The following FARSA variants were observed in gnomAD, a reference collection of about 807,000 sequenced individuals.
FARSA encodes phenylalanyl-tRNA synthetase subunit alpha, also known as phenylalanine--tRNA ligase alpha subunit.
FARSA carries 37 observed loss-of-function variants against 63.2 expected under a neutral mutation model. That is an observed-to-expected ratio of 0.59 (90% confidence interval 0.45 to 0.77). The LOEUF is 0.77. Among genes scored for constraint, FARSA ranks in the 30% least tolerant of loss-of-function variants. The pLI, the probability that FARSA is intolerant of heterozygous loss-of-function variation, is 0.00. For synonymous variants in FARSA, 312 were observed against 285.1 expected, an observed-to-expected ratio of 1.09 and a Z score of -0.95; for missense variants, 618 against 696.6, an observed-to-expected ratio of 0.89 and a Z score of 1.27.
intron 7 of FARSA, among the ~76,000 whole-genome samples, chr19:12,927,159 G>T (rs181101774): frequency 2.6e-5 from 4 of 152,302 alleles, no homozygotes; most frequent in Non-Finnish European, 5.9e-5. Flanking sequence ...GAGCCCGGGA[G>T]TGTTAGGCTG....
At position 12,924,235 on chromosome 19, in the gene FARSA, G is replaced by A. The variant is rs1971298956; in HGVS notation, c.1304C>T (p.Ser435Leu). Reference protein sequence around the residue: ...GLKKWVEVGNSGVFRPEMLLP... With the variant: ...GLKKWVEVGNLGVFRPEMLLP... ...CAGCATCTCTGGACGGAAGACCCCC[G>A]AGTTTCCGACCTCCACCCACTTCTT... The change falls in exon 12 of 13, where the codon TCG becomes TTG. Residue 435 changes from serine (S) to leucine (L), a missense_variant. Coordinates refer to ENST00000314606, the MANE Select transcript of FARSA (RefSeq NM_004461.3). The surrounding 1 kb of genome is among the most constrained non-coding windows in gnomAD (Gnocchi z 6.4). The A allele has an allele frequency of 6.2e-7, 1 of 1,614,142 alleles. No homozygotes were observed.
intron 7 of FARSA, among the ~76,000 whole-genome samples, chr19:12,927,603 G>A (rs1208676534): frequency 6.6e-6 from 1 of 151,380 alleles, no homozygotes; most frequent in East Asian, 1.9e-4. Flanking sequence ...GTGGTGGCGG[G>A]TGCCTGTAAT....
intron 1 of FARSA, 128 bp from the exon 2 acceptor site, chr19:12,930,877 A>G (rs1330436871): frequency 4.7e-6 from 5 of 1,067,724 alleles, no homozygotes; most frequent in Non-Finnish European, 6.9e-6. Flanking sequence ...CCAGCTATAC[A>G]ACTTTACAGC....
chr19:12,929,156 CAA>C (rs1176384263), intron 4 of FARSA, among the ~76,000 whole-genome samples: 1 of 152,140 alleles, frequency 6.6e-6, no homozygotes, highest in Non-Finnish European at 1.5e-5. Flanking sequence ...CTCTGTTCTG[CAA>C]AAGTCTCCCC....
At chr19:12,931,130 C>T (rs1004550243) in intron 1 of FARSA, among the ~76,000 whole-genome samples, 1 of 152,178 alleles carries the variant, frequency 6.6e-6, no homozygotes, top group African/African-American at 2.4e-5. Context: ...GGGGGTCTCA[C>T]CCTGTCACTA....
chr19:12,930,773 G>A (rs1378694644), intron 1 of FARSA, 24 bp from the exon 2 acceptor site: 13 of 1,602,122 alleles, frequency 8.1e-6, no homozygotes, highest in Non-Finnish European at 1.1e-5. Context: ...TGGGGAGGGT[G>A]TCCAGGCAGG....
chr19:12,932,704 A>G (rs1456472045), intron 1 of FARSA, among the ~76,000 whole-genome samples: 1 of 152,200 alleles, frequency 6.6e-6, no homozygotes, highest in African/African-American at 2.4e-5. Flanking sequence ...AACAGCCCAG[A>G]TCCTGGCCCC....
At chr19:12,923,579 AAAC>A (rs1352010835) in intron 12 of FARSA, among the ~76,000 whole-genome samples, 11 of 152,222 alleles carry the variant, frequency 7.2e-5, no homozygotes, top group African/African-American at 2.7e-4. Context: ...TCCTGGGTTC[AAAC>A]GATTCTCCTG....
At chr19:12,927,937 G>A (rs978536839) in intron 7 of FARSA, among the ~76,000 whole-genome samples, 2 of 142,182 alleles carry the variant, frequency 1.4e-5, no homozygotes, top group South Asian at 2.3e-4. Flanking sequence ...CAGGAGAATC[G>A]CTTGAACCTG....
Position 12,924,657 on chromosome 19 carries a change from C to T in FARSA, c.1177G>A (p.Glu393Lys). 2 of 1,598,962 alleles carry T rather than the reference C, an allele frequency of 1.3e-6. No individual in the cohort carries two copies. The highest frequency in any genetic ancestry group is 1.7e-6 in the Non-Finnish European group (2 of 1,171,484). The stretch of plus-strand genomic sequence containing the variant: ...TGCTCACCCAGCTTGGTGAAGAACT[C>T]CCGCAGAACGCCCATGAGGTGGCCC... The part of the protein sequence containing the change: ...TLGHLMGVLR[E>K]FFTKLGITQL... The change falls in exon 10 of 13, where the codon GAG becomes AAG. Residue 393 changes from glutamate (E) to lysine (K), a missense_variant. Transcript: ENST00000314606. This position sits in a 1 kb window ranked among gnomAD's most constrained non-coding sequence, Gnocchi z 6.4.
At position 12,922,967 on chromosome 19, in the gene FARSA, TCAGAGGAAAAGTTCAAGTTCTCCC is replaced by T. The variant is rs1194775553; in HGVS notation, c.1389-105_1389-82del. ...CAGATTTCCATGGCTCCCATCTTCT[TCAGAGGAAAAGTTCAAGTTCTCCC>T]CATGACCCACAGGGCCCTGCGCCAA... On this transcript the variant is annotated intron_variant, in intron 12 of 12. Transcript: ENST00000314606. The T allele has an allele frequency of 4.4e-6, 7 of 1,592,640 alleles. No homozygotes were observed. In the Admixed American group the frequency reaches 1.2e-4, roughly 27 times the overall value.
In FARSA at chr19:12,925,264, G is replaced by A. The variant is rs1356822880; in HGVS notation, c.842-90C>T. On this transcript the variant is annotated intron_variant, in intron 7 of 12. Transcript: ENST00000314606. ...ACAGGGTCTCACTGTTGTCCAGGCT[G>A]GAGTGCGGTGGTGCAATCTGGGCTT... is the stretch of plus-strand genomic sequence containing the variant. 1.4e-5 allele frequency: 15 copies of A among 1,075,766 alleles called. No individual in the cohort carries two copies. The South Asian group carries it at 1.9e-4, about 13-fold the overall frequency. The allele number at this position is 1,075,766 out of a possible 1,614,324, so 66.6% of individuals were successfully genotyped here. A position where few individuals can be genotyped will look rare whatever the true frequency, so the allele number is the denominator to read the frequency against.
At chr19:12,927,278 G>T (rs1971337319) in intron 7 of FARSA, among the ~76,000 whole-genome samples, 1 of 152,194 alleles carries the variant, frequency 6.6e-6, no homozygotes, top group Non-Finnish European at 1.5e-5. Context: ...AGGCCCTGAG[G>T]TGTGCACGGC....
chr19:12,928,333 C>A lies in FARSA; in HGVS notation c.841+9G>T. ...TCATGTCTCAGGGAGGCCCTAGGGG[C>A]TGACCCACCTCGAAGGAAGAAGGTG... is the stretch of plus-strand genomic sequence containing the variant. On this transcript the variant is annotated intron_variant, in intron 7 of 12. Coordinates refer to ENST00000314606, the MANE Select transcript of FARSA (RefSeq NM_004461.3). The A allele has an allele frequency of 6.2e-7, 1 of 1,612,028 alleles. No homozygotes were observed. The highest frequency in any genetic ancestry group is 8.5e-7 in the Non-Finnish European group (1 of 1,178,514).
intron 7 of FARSA, among the ~76,000 whole-genome samples, chr19:12,927,767 T>G (rs1423641691): frequency 5.0e-5 from 5 of 99,202 alleles, no homozygotes; most frequent in Admixed American, 1.2e-4. Flanking sequence ...CCAGGTGCGG[T>G]GGCTCACGCC....
chr19:12,933,453 C>T, intron 1 of FARSA, 97 bp downstream of exon 1: 1 of 1,431,624 alleles, frequency 7.0e-7, no homozygotes, highest in Admixed American at 2.2e-5. Context: ...CTACCCCAAA[C>T]TAGGCCTGAG....
rs754147656 is a variant in FARSA at position 12,924,727 on chromosome 19, C to T, written c.1107G>A (p.Glu369=). The part of the protein sequence containing the change: ...NETLDATHLA[E]FHQIEGVVAD... ...CCACCACGCCCTCGATCTGGTGGAA[C>T]TCAGCCAGGTGCGTGGCGTCCAGGG... The change falls in exon 10 of 13, where the codon GAG becomes GAA. Residue 369 remains glutamate, a synonymous_variant. Coordinates refer to ENST00000314606, the MANE Select transcript of FARSA (RefSeq NM_004461.3). The surrounding 1 kb of genome is among the most constrained non-coding windows in gnomAD (Gnocchi z 6.4). The T allele has an allele frequency of 8.7e-6, 14 of 1,600,656 alleles. No homozygotes were observed. In the South Asian group the frequency reaches 1.2e-4, roughly 14 times the overall value.
At position 12,924,301 on chromosome 19, in the gene FARSA, G is replaced by A. The variant is rs765258071; in HGVS notation, c.1274-36C>T. ...AGGACAGAAAAGACGGGCAGTGCGT[G>A]TTGAGTTTCTGGGCACTGCTGGTAC... On this transcript the variant is annotated intron_variant, in intron 11 of 12. Coordinates refer to ENST00000314606, the MANE Select transcript of FARSA (RefSeq NM_004461.3). This position sits in a 1 kb window ranked among gnomAD's most constrained non-coding sequence, Gnocchi z 6.4. 1.9e-6 allele frequency: 3 copies of A among 1,587,668 alleles called. No individual in the cohort carries two copies. In the South Asian group the frequency reaches 3.3e-5, roughly 18 times the overall value.
Position 12,924,939 on chromosome 19 carries a change from C to A in FARSA, c.991G>T (p.Ala331Ser). ...KNLLRTHTTSASARALYRLAQ... is the reference protein window; with the variant it reads ...KNLLRTHTTSSSARALYRLAQ... ...AGGCGGTAGAGCGCACGGGCGCTGGCTGATGTGGTGTGGGTTCGCAGTAGG... is the reference window on the plus strand; with the variant it reads ...AGGCGGTAGAGCGCACGGGCGCTGGATGATGTGGTGTGGGTTCGCAGTAGG... Residue 331 changes from alanine to serine, a missense_variant, in exon 9 of 13, where the codon GCC becomes TCC. Ala to Ser is a moderately conservative substitution (Grantham distance 99). Transcript: ENST00000314606. This position sits in a 1 kb window ranked among gnomAD's most constrained non-coding sequence, Gnocchi z 6.4. The A allele has an allele frequency of 6.2e-7, 1 of 1,614,242 alleles. No homozygotes were observed. The highest frequency in any genetic ancestry group is 8.5e-7 in the Non-Finnish European group (1 of 1,180,030).
Sources: gnomAD v4.1 joint callset for allele counts (sites outside exome capture counted in the v4.1 genomes callset) on GRCh38, gnomAD v4.1.1 for gene constraint, Gnocchi (gnomAD v3.1) non-coding constraint, MANE v1.5 for transcripts, NCBI Gene and HGNC (gene_info 2026-07-23, HGNC 2026-07-21) for gene names.